JAML: variants seen among roughly 807,000 people sequenced by gnomAD.
JAML encodes the protein junctional adhesion molecule-like.
A neutral mutation model predicts 39.3 loss-of-function variants in JAML; 25 were observed. The observed-to-expected ratio is 0.64, with a 90% CI of 0.46 to 0.89. JAML has a LOEUF of 0.89. JAML is among the 40% of genes least tolerant of loss of function. The pLI is 0.00. For missense variants in JAML, 440 were observed against 486.9 expected (o/e 0.90, Z 0.91); for synonymous variants, 162 against 179.2 (o/e 0.90, Z 0.77).
Position 118,214,782 on chromosome 11 carries a change from G to A in JAML, c.43+42C>T. 3 of 1,601,496 alleles carry A rather than the reference G, an allele frequency of 1.9e-6. No homozygotes were observed. In the South Asian group the frequency reaches 3.3e-5, roughly 18 times the overall value. On this transcript the variant is annotated intron_variant, in intron 2 of 9. Transcript: ENST00000356289. ...GCTTTTAATAATGCACAGAACTCAGGAGAAATCAAATACCCCACGGAGTCC... is the reference window on the plus strand; with the variant it reads ...GCTTTTAATAATGCACAGAACTCAGAAGAAATCAAATACCCCACGGAGTCC...
chr11:118,207,990 A>G (rs1948953505), intron 4 of JAML, among the ~76,000 whole-genome samples: 1 of 152,172 alleles, frequency 6.6e-6, no homozygotes, highest in African/African-American at 2.4e-5. Flanking sequence ...AGCAATTTGG[A>G]GAGGCTGAGA....
At chr11:118,223,019 C>A (rs987110628) in intron 1 of JAML, among the ~76,000 whole-genome samples, 9 of 140,996 alleles carry the variant, frequency 6.4e-5, no homozygotes, top group Non-Finnish European at 1.1e-4. Flanking sequence ...CACTTGAACT[C>A]GGGAGGCGGA....
chr11:118,205,835 C>T (rs778621729), intron 5 of JAML, 47 bp downstream of exon 5: 16 of 1,541,846 alleles, frequency 1.0e-5, no homozygotes, highest in South Asian at 8.9e-5. Context: ...GTCCTGATAC[C>T]ATCAGCCAGA....
intron 1 of JAML, among the ~76,000 whole-genome samples, chr11:118,219,627 C>A (rs1949187946): frequency 6.6e-6 from 1 of 152,206 alleles, no homozygotes; most frequent in African/African-American, 2.4e-5. Flanking sequence ...TGTTTTCATA[C>A]CTTCTCTAAT....
At chr11:118,216,813 A>T (rs1388964994) in intron 1 of JAML, among the ~76,000 whole-genome samples, 1 of 152,172 alleles carries the variant, frequency 6.6e-6, no homozygotes, top group Non-Finnish European at 1.5e-5. Context: ...AGTCACATAG[A>T]TTCCCCTAAA....
chr11:118,212,931 G>A (rs769391742), intron 2 of JAML: 5 of 1,614,198 alleles, frequency 3.1e-6, no homozygotes, highest in Admixed American at 1.7e-5. Context: ...GACGAAATGG[G>A]TTGTTCCTTG....
At chr11:118,218,815 A>T (rs770156428) in intron 1 of JAML, among the ~76,000 whole-genome samples, 1 of 151,754 alleles carries the variant, frequency 6.6e-6, no homozygotes, top group African/African-American at 2.4e-5. Flanking sequence ...TTTAAAAAAA[A>T]TCCAGCAAAA....
At chr11:118,214,651 A>G (rs1284236572) in intron 2 of JAML, among the ~76,000 whole-genome samples, 173 bp downstream of exon 2, 3 of 152,236 alleles carry the variant, frequency 2.0e-5, no homozygotes, top group Admixed American at 6.5e-5. Flanking sequence ...CCAAGAAACC[A>G]TAAGCTAGTT....
chr11:118,214,354 T>C (rs931888137), intron 2 of JAML, among the ~76,000 whole-genome samples: 1 of 152,100 alleles, frequency 6.6e-6, no homozygotes, highest in African/African-American at 2.4e-5. Context: ...GTTGAAGTGC[T>C]GGGAGGAAGG....
At chr11:118,211,214 T>C (rs1025396351) in intron 3 of JAML, among the ~76,000 whole-genome samples, 2 of 152,172 alleles carry the variant, frequency 1.3e-5, no homozygotes, top group Non-Finnish European at 2.9e-5. Context: ...CCACAGGGAA[T>C]GGTTCCAGGC....
chr11:118,223,094 CAAAAAAAAAA>C (rs56175225), intron 1 of JAML, among the ~76,000 whole-genome samples: 3 of 93,196 alleles, frequency 3.2e-5, no homozygotes, highest in Non-Finnish European at 6.3e-5. Flanking sequence ...GACTCTGTCT[CAAAAAAAAAA>C]AAAAAAAAAA....
At chr11:118,220,594 T>C (rs1770619949) in intron 1 of JAML, among the ~76,000 whole-genome samples, 1 of 152,198 alleles carries the variant, frequency 6.6e-6, no homozygotes, top group African/African-American at 2.4e-5. Context: ...ATCCTCAACT[T>C]GGCCTCCTCG....
chr11:118,196,560 T>A (rs1018560328), intron 9 of JAML, among the ~76,000 whole-genome samples, 175 bp downstream of exon 9: 1 of 152,214 alleles, frequency 6.6e-6, no homozygotes, highest in African/African-American at 2.4e-5. Flanking sequence ...TGAGCTTGGG[T>A]AAGAAAGTTT....
At chr11:118,197,657 A>G (rs1052533291) in intron 8 of JAML, 3 of 230,794 alleles carry the variant, frequency 1.3e-5, no homozygotes, top group African/African-American at 7.0e-5. Flanking sequence ...TGAACCTTAC[A>G]ACAACCCTGT....
chr11:118,203,425 T>C lies in JAML; in HGVS notation c.772+3A>G. On this transcript the variant is annotated splice_donor_region_variant and intron_variant, in intron 6 of 9. Coordinates refer to ENST00000356289, the MANE Select transcript of JAML (RefSeq NM_001098526.2). ...CAATGCTCCCCAGCCAAATGTTAGA[T>C]ACTTCGAGGCTCTTCCGGGCTGACA... 6.2e-7 allele frequency: 1 copy of C among 1,613,316 alleles called. No individual in the cohort carries two copies. The highest frequency in any genetic ancestry group is 1.1e-5 in the South Asian group (1 of 91,050).
intron 7 of JAML, among the ~76,000 whole-genome samples, chr11:118,198,432 A>G (rs1948705887): frequency 1.3e-5 from 2 of 152,138 alleles, no homozygotes; most frequent in Admixed American, 1.3e-4. Flanking sequence ...TCCTGTCTAC[A>G]TTTCTGAGGA....
chr11:118,211,918 T>G (rs1949067456), intron 3 of JAML, among the ~76,000 whole-genome samples: 1 of 152,166 alleles, frequency 6.6e-6, no homozygotes, highest in Non-Finnish European at 1.5e-5. Flanking sequence ...AGTGAAACAC[T>G]GAAAGAATCT....
intron 4 of JAML, among the ~76,000 whole-genome samples, chr11:118,206,787 A>G (rs1293376775): frequency 6.6e-6 from 1 of 152,198 alleles, no homozygotes. Context: ...TTTATTACAT[A>G]AGTCATTTTA....
Position 118,203,520 on chromosome 11 carries a change from GACTCCCTC to G in JAML, c.672_679del (p.Glu226TrpfsTer45). 1 of 1,614,166 alleles carries G rather than the reference GACTCCCTC, an allele frequency of 6.2e-7. No homozygotes were observed. The highest frequency in any genetic ancestry group is 8.5e-7 in the Non-Finnish European group (1 of 1,180,020). ...ACTGCAGGTGTAGTTTCCTCCATCT[GACTCCCTC>G]ACTCCTTGAAGCATGATGGAACCGT... On this transcript the variant is annotated frameshift_variant, in exon 6 of 10. Coordinates refer to ENST00000356289, the MANE Select transcript of JAML (RefSeq NM_001098526.2). LOFTEE classifies it high-confidence loss of function.
Sources: gnomAD v4.1 joint callset for allele counts (sites outside exome capture counted in the v4.1 genomes callset) on GRCh38, gnomAD v4.1.1 for gene constraint, MANE v1.5 for transcripts, NCBI Gene and HGNC (gene_info 2026-07-23, HGNC 2026-07-21) for gene names.